PTPRK: variants seen among roughly 807,000 people sequenced by gnomAD.
The protein encoded by PTPRK is protein tyrosine phosphatase receptor type K.
PTPRK carries 75 observed loss-of-function variants against 178.0 expected under a neutral mutation model. The observed-to-expected ratio is 0.42, with a 90% CI of 0.35 to 0.51. The LOEUF (loss-of-function observed/expected upper bound fraction) is 0.51, where lower values mean the gene tolerates loss of function less well. Among genes scored for constraint, PTPRK ranks in the 20% least tolerant of loss-of-function variants. The probability of loss-of-function intolerance (pLI) is 0.02; values close to 1 mark genes in which losing one functional copy is unlikely to be tolerated. For missense variants in PTPRK, 1,441 were observed against 1,797.8 expected, an observed-to-expected ratio of 0.80 and a Z score of 3.59; for synonymous variants, 637 against 620.6, an observed-to-expected ratio of 1.03 and a Z score of -0.39.
At chr6:128,337,139 T>A (rs1259825169) in intron 2 of PTPRK, among the ~76,000 whole-genome samples, 1 of 152,166 alleles carries the variant, frequency 6.6e-6, no homozygotes, top group Non-Finnish European at 1.5e-5. Context: ...CTTCATAAGC[T>A]CTTATGTCTG....
At chr6:128,033,340 G>C (rs570662715) in intron 13 of PTPRK, among the ~76,000 whole-genome samples, 2 of 152,130 alleles carry the variant, frequency 1.3e-5, no homozygotes, top group African/African-American at 4.8e-5. Flanking sequence ...CAGATTTAGA[G>C]CATGAAAATC....
At chr6:128,398,946 ACT>A (rs1379092566) in intron 1 of PTPRK, among the ~76,000 whole-genome samples, 4 of 152,164 alleles carry the variant, frequency 2.6e-5, no homozygotes. Flanking sequence ...GGCACACACG[ACT>A]CAACATATTT....
At position 128,082,854 on chromosome 6, in the gene PTPRK, T is replaced by C. The variant is rs567612960; in HGVS notation, c.1576-216A>G. ...TCTATCTACAGATACACCGGAGTTA[T>C]AGCTGACCAAATCAATATACATCTA... On this transcript the variant is annotated intron_variant, in intron 9 of 29. Coordinates refer to ENST00000368226, the MANE Select transcript of PTPRK (RefSeq NM_002844.4). Among the ~76,000 whole-genome samples, 55 of 152,166 alleles carry C rather than the reference T, an allele frequency of 3.6e-4. 1 individual carries two copies. In the South Asian group the frequency reaches 0.011, roughly 30 times the overall value.
intron 7 of PTPRK, among the ~76,000 whole-genome samples, chr6:128,143,972 A>C (rs1042931392): frequency 1.3e-5 from 2 of 152,196 alleles, no homozygotes; most frequent in Non-Finnish European, 2.9e-5. Context: ...CACAGTCAGG[A>C]AACTCTACTT....
At chr6:128,314,011 A>T (rs918795523) in intron 3 of PTPRK, among the ~76,000 whole-genome samples, 1 of 152,064 alleles carries the variant, frequency 6.6e-6, no homozygotes, top group Non-Finnish European at 1.5e-5. Context: ...TGACCTCTGT[A>T]TCTGTCTCTG....
chr6:128,436,291 C>T (rs1283006499), intron 1 of PTPRK, among the ~76,000 whole-genome samples: 1 of 151,978 alleles, frequency 6.6e-6, no homozygotes, highest in African/African-American at 2.4e-5. Context: ...ACTATACTAA[C>T]AAGTAAAATA....
intron 1 of PTPRK, among the ~76,000 whole-genome samples, chr6:128,512,294 G>A (rs1051577626): frequency 7.9e-5 from 12 of 152,136 alleles, no homozygotes; most frequent in Non-Finnish European, 1.6e-4. Flanking sequence ...TATAGGTTAT[G>A]CAGACTTTTA....
chr6:127,985,749 T>C lies in PTPRK; in HGVS notation c.3223A>G (p.Ser1075Gly), dbSNP rs1775900612. 6.2e-7 allele frequency: 1 copy of C among 1,613,864 alleles called. No homozygotes were observed. Among genetic ancestry groups the C allele is most frequent in the Non-Finnish European group, 8.5e-7 (1 of 1,179,850 alleles). ...CAATGTACAACGATGGGGCCAGCAC[T>C]GGGAGGGTTTGATAACTTGACTCGC... ...IRRVKLSNPP[S>G]AGPIVVHCSA... is the part of the protein sequence containing the mutation. Residue 1075 changes from serine to glycine, a missense_variant, in exon 22 of 30, where the codon AGT becomes GGT. By Grantham distance (56) the Ser-to-Gly change is moderately conservative. Around this residue, in one of 4 missense-constraint regions of PTPRK, gnomAD observed 335 missense variants for 512.4 expected, o/e 0.65. Coordinates refer to ENST00000368226, the MANE Select transcript of PTPRK (RefSeq NM_002844.4).
intron 3 of PTPRK, among the ~76,000 whole-genome samples, chr6:128,313,143 G>T (rs1356401597): frequency 6.6e-6 from 1 of 151,888 alleles, no homozygotes; most frequent in Non-Finnish European, 1.5e-5. Flanking sequence ...GAGAGAGGAG[G>T]GCTAGCTCTA....
chr6:128,325,887 C>G (rs925258159), intron 2 of PTPRK, among the ~76,000 whole-genome samples: 3 of 152,106 alleles, frequency 2.0e-5, no homozygotes, highest in Non-Finnish European at 4.4e-5. Flanking sequence ...TACTGCAGCA[C>G]TATTCACAAT....
chr6:128,483,623 C>T (rs926852149), intron 1 of PTPRK, among the ~76,000 whole-genome samples: 2 of 152,072 alleles, frequency 1.3e-5, no homozygotes, highest in South Asian at 4.1e-4. Context: ...AAGGAACTGA[C>T]ACGTTCCCCT....
At chr6:128,244,514 C>T (rs1215366612) in intron 3 of PTPRK, among the ~76,000 whole-genome samples, 2 of 152,288 alleles carry the variant, frequency 1.3e-5, no homozygotes, top group South Asian at 2.1e-4. Flanking sequence ...AGCAGGTCAA[C>T]ACTCCTAATA....
chr6:128,449,137 G>C (rs1847433532), intron 1 of PTPRK, among the ~76,000 whole-genome samples: 1 of 152,120 alleles, frequency 6.6e-6, no homozygotes, highest in African/African-American at 2.4e-5. Flanking sequence ...TGGGATTACA[G>C]GCATGAGCCA....
intron 3 of PTPRK, among the ~76,000 whole-genome samples, chr6:128,254,662 G>T (rs1816994822): frequency 6.6e-6 from 1 of 151,886 alleles, no homozygotes; most frequent in Non-Finnish European, 1.5e-5. Context: ...AAGTCTGTAA[G>T]ACTTTAAGAA....
chr6:128,343,669 C>T (rs901321916), intron 2 of PTPRK, among the ~76,000 whole-genome samples: 2 of 152,118 alleles, frequency 1.3e-5, no homozygotes, highest in African/African-American at 4.8e-5. Context: ...AGTTAAAGTT[C>T]TATTAACAAA....
chr6:127,991,219 ATTTTGAGTGTCTTACATGTTGCT>A, intron 20 of PTPRK, 52 bp downstream of exon 20: 1 of 1,147,588 alleles, frequency 8.7e-7, no homozygotes, highest in Admixed American at 2.4e-5. Context: ...ATGATATTCT[ATTTTGAGTGTCTTACATGTTGCT>A]TCTCAACTAT....
At chr6:128,301,463 TAAG>T (rs1305688704) in intron 3 of PTPRK, among the ~76,000 whole-genome samples, 12 of 152,066 alleles carry the variant, frequency 7.9e-5, no homozygotes, top group Non-Finnish European at 1.2e-4. Flanking sequence ...ATTTAACATT[TAAG>T]AAGCTGAGAG....
intron 6 of PTPRK, among the ~76,000 whole-genome samples, chr6:128,207,417 A>T (rs971983182): frequency 6.6e-6 from 1 of 152,206 alleles, no homozygotes; most frequent in Non-Finnish European, 1.5e-5. Flanking sequence ...GTTGATTTTT[A>T]AAAAATCAGA....
At chr6:128,093,213 T>G (rs1205051965) in intron 7 of PTPRK, among the ~76,000 whole-genome samples, 1 of 152,172 alleles carries the variant, frequency 6.6e-6, no homozygotes. Flanking sequence ...TTATATAACA[T>G]TTCTTTTTTT....
Sources: gnomAD v4.1 joint callset for allele counts (sites outside exome capture counted in the v4.1 genomes callset) on GRCh38, gnomAD v4.1.1 for gene constraint, gnomAD v4.1.1 regional missense constraint, MANE v1.5 for transcripts, NCBI Gene and HGNC (gene_info 2026-07-23, HGNC 2026-07-21) for gene names.